The following TXLNA variants were observed in gnomAD, a reference collection of about 807,000 sequenced individuals.
The protein encoded by TXLNA is alpha-taxilin.
A neutral mutation model predicts 61.4 loss-of-function variants in TXLNA; 9 were observed. That is an observed-to-expected ratio of 0.15 (90% confidence interval 0.09 to 0.26). TXLNA has a LOEUF of 0.26. Among genes scored for constraint, TXLNA ranks in the 10% least tolerant of loss-of-function variants. The pLI is 1.00. For synonymous variants in TXLNA, 257 were observed against 267.7 expected (o/e 0.96, Z 0.39); for missense variants, 565 against 688.8 (o/e 0.82, Z 2.01).
chr1:32,180,515 G>T lies in TXLNA; in HGVS notation c.169+1G>T, dbSNP rs1323553699. ...AGCCAGGCTCCTCGGAAGCCGGAGG[G>T]TGTGTGCCAGCTCTGCGTTGCCAGC... On this transcript the variant is annotated splice_donor_variant, in intron 2 of 10. Coordinates refer to ENST00000373610, the MANE Select transcript of TXLNA (RefSeq NM_175852.4). LOFTEE classifies it high-confidence loss of function. The T allele has an allele frequency of 6.3e-7, 1 of 1,596,402 alleles. No individual in the cohort carries two copies.
intron 9 of TXLNA, 146 bp from the exon 10 acceptor site, chr1:32,193,919 A>T: frequency 1.7e-6 from 1 of 594,520 alleles, no homozygotes; most frequent in Non-Finnish European, 3.0e-6. Flanking sequence ...GGTGGCACAG[A>T]GGGCATTGAC....
intron 3 of TXLNA, among the ~76,000 whole-genome samples, chr1:32,182,937 C>A (rs944167688): frequency 6.6e-6 from 1 of 151,012 alleles, no homozygotes; most frequent in Middle Eastern, 3.5e-3. Flanking sequence ...CGTGGTGGCA[C>A]GTGCCTATAA....
chr1:32,191,360 G>A (rs538953015), intron 6 of TXLNA, among the ~76,000 whole-genome samples: 108 of 152,260 alleles, frequency 7.1e-4, no homozygotes, highest in African/African-American at 2.4e-3. Context: ...AGTGATGATC[G>A]TGTGTGCAGG....
chr1:32,184,611 G>A lies in TXLNA; in HGVS notation c.592G>A (p.Glu198Lys). 2 of 1,605,322 alleles carry A rather than the reference G, an allele frequency of 1.2e-6. No homozygotes were observed. The highest frequency in any genetic ancestry group is 1.7e-6 in the Non-Finnish European group (2 of 1,173,002). The change falls in exon 4 of 11, where the codon GAA (glutamate) becomes AAA (lysine). Residue 198 changes from glutamate (E) to lysine (K), a missense_variant. By Grantham distance (56) the Glu-to-Lys change is moderately conservative (BLOSUM62 1). Coordinates refer to ENST00000373610, the MANE Select transcript of TXLNA (RefSeq NM_175852.4). Reference protein sequence around the residue: ...KLAALCKKYAELLEEHRNSQK... With the variant: ...KLAALCKKYAKLLEEHRNSQK... ...GGCTGCTCTGTGCAAGAAGTATGCT[G>A]AACTGGTCAGTTCCCCCCTCCGCGG...
intron 5 of TXLNA, among the ~76,000 whole-genome samples, chr1:32,189,554 T>G (rs11801931): frequency 0.14 from 20,609 of 151,190 alleles, 1,443 homozygotes; most frequent in African/African-American, 0.19. Context: ...TTTTTTTTTT[T>G]GGGGACGGAG....
At position 32,184,578 on chromosome 1, in the gene TXLNA, G is replaced by A. The variant is rs1569601825; in HGVS notation, c.559G>A (p.Glu187Lys). Residue 187 changes from glutamate (E) to lysine (K), a missense_variant, in exon 4 of 11, where the codon GAG becomes AAG. Around this residue, in one of 2 missense-constraint regions of TXLNA, gnomAD observed 373 missense variants for 504.0 expected, o/e 0.74. Coordinates refer to ENST00000373610, the MANE Select transcript of TXLNA (RefSeq NM_175852.4). The part of the protein sequence containing the change: ...QTLNTLSTPE[E>K]KLAALCKKYA... Reference sequence around the variant, plus strand: ...ATTGAATACTCTGAGTACCCCAGAGGAGAAGCTGGCTGCTCTGTGCAAGAA... The same window carrying A: ...ATTGAATACTCTGAGTACCCCAGAGAAGAAGCTGGCTGCTCTGTGCAAGAA... The A allele has an allele frequency of 1.9e-6, 3 of 1,613,842 alleles. No individual in the cohort carries two copies. The highest frequency in any genetic ancestry group is 2.5e-6 in the Non-Finnish European group (3 of 1,179,756).
chr1:32,193,129 A>G, intron 8 of TXLNA, 79 bp from the exon 9 acceptor site: 1 of 889,876 alleles, frequency 1.1e-6, no homozygotes, highest in Non-Finnish European at 1.9e-6. Context: ...TCAGAGAGTC[A>G]AGGACGGGTC....
Position 32,190,077 on chromosome 1 carries a change from G to A in TXLNA, c.791G>A (p.Arg264Gln), listed in dbSNP as rs1437358937. The change falls in exon 6 of 11, where the codon CGG (arginine) becomes CAG (glutamine). Residue 264 changes from arginine (R) to glutamine (Q), a missense_variant. By Grantham distance (43) the Arg-to-Gln change is conservative. Around this residue, in one of 2 missense-constraint regions of TXLNA, gnomAD observed 373 missense variants for 504.0 expected, o/e 0.74. Coordinates refer to ENST00000373610, the MANE Select transcript of TXLNA (RefSeq NM_175852.4). The part of the protein sequence containing the change: ...SLKEEGVQRA[R>Q]EEEEKRKEVT... ...CAGGAAGAAGGTGTGCAGCGGGCCCGGGAGGAGGAGGAGAAGCGCAAGGAG... is the reference window on the plus strand; with the variant it reads ...CAGGAAGAAGGTGTGCAGCGGGCCCAGGAGGAGGAGGAGAAGCGCAAGGAG... 36 of 1,582,270 alleles carry A rather than the reference G, an allele frequency of 2.3e-5. No homozygotes were observed. Among genetic ancestry groups the A allele is most frequent in the Admixed American group, 3.7e-5 (2 of 54,478 alleles).
In TXLNA at chr1:32,195,618, A is replaced by G. The variant is rs370378603; in HGVS notation, c.*423A>G. The G allele has an allele frequency of 1.4e-5, 6 of 419,898 alleles. No individual in the cohort carries two copies. Among genetic ancestry groups the G allele is most frequent in the Admixed American group, 8.9e-5 (3 of 33,522 alleles). 26.0% of individuals were successfully genotyped at this position (419,898 alleles called of 1,614,324 possible). On this transcript the variant is annotated 3_prime_UTR_variant, in exon 11 of 11. Transcript: ENST00000373610. ...AGTAATACACCCAGGTCTTGACTGC[A>G]TTTGTCTTGTGAGCAGGGCTTGCTT...
At position 32,192,073 on chromosome 1, in the gene TXLNA, C is replaced by T. The variant is rs1245680153; in HGVS notation, c.964-238C>T. On this transcript the variant is annotated intron_variant, in intron 6 of 10. Transcript: ENST00000373610. This position sits in a 1 kb window ranked among gnomAD's most constrained non-coding sequence, Gnocchi z 4.2. The stretch of plus-strand genomic sequence containing the variant: ...TGTTTATTGCTTGCCTTCTTGGGAG[C>T]AGATTCCATCCATAAACCATGTGCT... Among the ~76,000 whole-genome samples, 1 of 152,246 alleles carries T rather than the reference C, an allele frequency of 6.6e-6. No individual in the cohort carries two copies. Among genetic ancestry groups the T allele is most frequent in the Non-Finnish European group, 1.5e-5 (1 of 68,038 alleles).
At position 32,192,722 on chromosome 1, in the gene TXLNA, G is replaced by A; in HGVS notation, c.1149G>A (p.Leu383=). Reference sequence around the variant, plus strand: ...TGATGAAGCAGCAAGAGACCCACCTGAAGCAACAGGTGAGAGCATATAACC... The same window carrying A: ...TGATGAAGCAGCAAGAGACCCACCTAAAGCAACAGGTGAGAGCATATAACC... ...CELMKQQETH[L]KQQLALYTEK... The change falls in exon 8 of 11, where the codon CTG becomes CTA. Residue 383 remains leucine (L), a synonymous_variant. Coordinates refer to ENST00000373610, the MANE Select transcript of TXLNA (RefSeq NM_175852.4). The surrounding 1 kb of genome is among the most constrained non-coding windows in gnomAD (Gnocchi z 4.2). The A allele has an allele frequency of 1.2e-6, 2 of 1,614,218 alleles. No homozygotes were observed. Among genetic ancestry groups the A allele is most frequent in the Non-Finnish European group, 1.7e-6 (2 of 1,180,040 alleles).
intron 2 of TXLNA, among the ~76,000 whole-genome samples, chr1:32,180,874 G>A (rs2124128164): frequency 6.6e-6 from 1 of 152,330 alleles, no homozygotes; most frequent in East Asian, 1.9e-4. Context: ...GTTTTGTGGG[G>A]GGGAAGGAGA....
intron 5 of TXLNA, 41 bp from the exon 6 acceptor site, chr1:32,190,014 T>C (rs1642869879): frequency 2.0e-6 from 3 of 1,522,748 alleles, no homozygotes; most frequent in African/African-American, 2.7e-5. Flanking sequence ...CCTTGTGAGG[T>C]AGCAGTGGAT....
At chr1:32,187,614 C>T (rs1642815611) in intron 4 of TXLNA, among the ~76,000 whole-genome samples, 2 of 152,170 alleles carry the variant, frequency 1.3e-5, no homozygotes, top group Admixed American at 6.6e-5. Context: ...GTCTCATCCT[C>T]GGGCATGAGT....
chr1:32,193,607 C>T (rs1642952840), intron 9 of TXLNA, among the ~76,000 whole-genome samples: 1 of 152,056 alleles, frequency 6.6e-6, no homozygotes, highest in African/African-American at 2.4e-5. Context: ...GTGGCATGAT[C>T]TCAGCTCATT....
At chr1:32,179,872 G>A (rs1178005616) in intron 1 of TXLNA, 96 bp downstream of exon 1, 1 of 152,178 alleles carries the variant, frequency 6.6e-6, no homozygotes, top group African/African-American at 2.4e-5. Flanking sequence ...TCCCCGCGTG[G>A]GCCGGGGGCT....
rs79321885 is a variant in TXLNA at position 32,179,800 on chromosome 1, G to A, written c.-33+24G>A. ...AGGTACGTGCAGCGGCGGCCGGTGGGCGAGACTATTTGAGAGTGTGCGGGC... is the reference window on the plus strand; with the variant it reads ...AGGTACGTGCAGCGGCGGCCGGTGGACGAGACTATTTGAGAGTGTGCGGGC... On this transcript the variant is annotated intron_variant, in intron 1 of 10. Coordinates refer to ENST00000373610, the MANE Select transcript of TXLNA (RefSeq NM_175852.4). 2.8e-3 allele frequency: 428 copies of A among 152,530 alleles called. 9 individuals carry two copies. In the East Asian group the frequency reaches 0.067, roughly 24 times the overall value. The allele number at this position is 152,530 out of a possible 1,614,324, so 9.4% of individuals were successfully genotyped here.
intron 6 of TXLNA, among the ~76,000 whole-genome samples, chr1:32,191,759 G>T (rs1004112166): frequency 6.6e-6 from 1 of 152,174 alleles, no homozygotes; most frequent in Non-Finnish European, 1.5e-5. Flanking sequence ...AAGTCCAGTT[G>T]ATTTTACCTT....
rs758326524 is a variant in TXLNA, at chr1:32,193,268, G to A, written c.1219G>A (p.Val407Ile). 20 of 1,613,596 alleles carry A rather than the reference G, an allele frequency of 1.2e-5. No individual in the cohort carries two copies. The African/African-American group carries it at 1.6e-4, about 13-fold the overall frequency. The change falls in exon 9 of 11, where the codon GTA becomes ATA. Residue 407 changes from valine to isoleucine, a missense_variant. By Grantham distance (29) the Val-to-Ile change is conservative. This residue lies in a region of TXLNA where 373 missense variants were observed against 504.0 expected (regional missense o/e 0.74). Coordinates refer to ENST00000373610, the MANE Select transcript of TXLNA (RefSeq NM_175852.4). ...GAACACACTTTCCAAAAGCAGCGAG[G>A]TATTCACCACATTCAAGCAGGAGAT... Reference protein sequence around the residue: ...FQNTLSKSSEVFTTFKQEMEK... With the variant: ...FQNTLSKSSEIFTTFKQEMEK...
Sources: allele counts gnomAD v4.1 joint callset (sites outside exome capture counted in the v4.1 genomes callset), GRCh38; gene constraint gnomAD v4.1.1; regional missense constraint gnomAD v4.1.1; non-coding constraint Gnocchi (gnomAD v3.1); transcripts MANE v1.5; gene names NCBI Gene and HGNC (gene_info 2026-07-23, HGNC 2026-07-21).